Variants in DENND1A observed in about 807,000 individuals in gnomAD.
The protein encoded by DENND1A is DENN domain containing 1A.
Under a neutral mutation model 113.7 loss-of-function variants are expected in DENND1A, and 51 were observed. The observed-to-expected ratio is 0.45, with a 90% CI of 0.36 to 0.57. DENND1A has a LOEUF of 0.57. Ranked by LOEUF, DENND1A falls within the 20% of genes least tolerant of loss-of-function variation. The pLI is 0.00. For synonymous variants in DENND1A, 565 were observed against 570.8 expected, an observed-to-expected ratio of 0.99 and a Z score of 0.14; for missense variants, 1,258 against 1,395.9, an observed-to-expected ratio of 0.90 and a Z score of 1.57.
chr9:123,637,991 C>T (rs955280329), intron 9 of DENND1A, among the ~76,000 whole-genome samples: 6 of 151,418 alleles, frequency 4.0e-5, no homozygotes, highest in African/African-American at 1.5e-4. Flanking sequence ...AACCACCCAA[C>T]AAGGAGTGAA....
chr9:123,440,096 C>T (rs78861713), intron 19 of DENND1A: 26,755 of 339,748 alleles, frequency 0.079, 1,190 homozygotes, highest in Admixed American at 0.096. Flanking sequence ...CCTTGGAGTA[C>T]GGGAGGCAGC....
chr9:123,395,745 T>C (rs558162550), intron 21 of DENND1A, among the ~76,000 whole-genome samples: 1 of 152,236 alleles, frequency 6.6e-6, no homozygotes, highest in South Asian at 2.1e-4. Flanking sequence ...GGCAGCTTCA[T>C]ACGCACGTCC....
At chr9:123,917,928 G>A (rs1855467438) in intron 1 of DENND1A, among the ~76,000 whole-genome samples, 1 of 151,438 alleles carries the variant, frequency 6.6e-6, no homozygotes, top group Non-Finnish European at 1.5e-5. Context: ...GGCTAACACG[G>A]TGAAACCCCA....
intron 19 of DENND1A, among the ~76,000 whole-genome samples, chr9:123,431,533 C>T (rs1311709957): frequency 6.6e-6 from 1 of 152,196 alleles, no homozygotes; most frequent in Non-Finnish European, 1.5e-5. Flanking sequence ...TGGGCAAGAA[C>T]CCAAGCTTTA....
intron 12 of DENND1A, among the ~76,000 whole-genome samples, chr9:123,559,317 G>T (rs2057605954): frequency 6.6e-6 from 1 of 152,140 alleles, no homozygotes; most frequent in Non-Finnish European, 1.5e-5. Context: ...AAGCATGCAG[G>T]TAACATATCA....
At chr9:123,750,907 C>G (rs1300462349) in intron 5 of DENND1A, among the ~76,000 whole-genome samples, 1 of 152,202 alleles carries the variant, frequency 6.6e-6, no homozygotes, top group East Asian at 1.9e-4. Context: ...GAGATTCCAT[C>G]TGTTTCTGGA....
chr9:123,415,130 A>G lies in DENND1A; in HGVS notation c.1489-3301T>C, dbSNP rs535321812. ...CAGAGTGAGCCAGCGGGATATAAAGATGCCAAGAAAGAGTAACGTGGTACA... is the reference window on the plus strand; with the variant it reads ...CAGAGTGAGCCAGCGGGATATAAAGGTGCCAAGAAAGAGTAACGTGGTACA... On this transcript the variant is annotated intron_variant, in intron 19 of 23. Transcript: ENST00000394215. Among the ~76,000 whole-genome samples the G allele has an allele frequency of 4.6e-5, 7 of 152,322 alleles. 1 individual carries two copies. Among genetic ancestry groups the G allele is most frequent in the African/African-American group, 1.7e-4 (7 of 41,572 alleles).
chr9:123,895,871 G>A (rs968487885), intron 1 of DENND1A, among the ~76,000 whole-genome samples: 1 of 152,136 alleles, frequency 6.6e-6, no homozygotes, highest in African/African-American at 2.4e-5. Context: ...TGACCAAGGT[G>A]ATGAAGAAAG....
chr9:123,486,969 C>T (rs2050931238), intron 13 of DENND1A, among the ~76,000 whole-genome samples: 1 of 152,196 alleles, frequency 6.6e-6, no homozygotes, highest in South Asian at 2.1e-4. Context: ...TTTAGGGTAG[C>T]CCAGAAGTGA....
intron 3 of DENND1A, among the ~76,000 whole-genome samples, chr9:123,788,780 T>C (rs1832572194): frequency 1.3e-5 from 2 of 152,134 alleles, no homozygotes; most frequent in African/African-American, 2.4e-5. Context: ...GAAAAGAATC[T>C]AGTCCAAGCT....
rs1170659580 is a variant in DENND1A, at chr9:123,815,993, C to CTTTT, written c.89-23367_89-23364dup. 4.8e-4 allele frequency among the ~76,000 whole-genome samples: 38 copies of CTTTT among 79,790 alleles called. 1 individual carries two copies. Among genetic ancestry groups the CTTTT allele is most frequent in the East Asian group, 1.0e-3 (3 of 2,978 alleles). 52.3% of individuals were successfully genotyped at this position (79,790 alleles called of 152,430 possible). ...GCACTGGGCCCTCAAAGTGACTGTA[C>CTTTT]TTTTTTTTTTTTTTTTTTTTTTTTT... is the stretch of plus-strand genomic sequence containing the variant. On this transcript the variant is annotated intron_variant, in intron 2 of 23. Transcript: ENST00000394215.
At chr9:123,560,078 G>C (rs569020151) in intron 12 of DENND1A, among the ~76,000 whole-genome samples, 1 of 152,112 alleles carries the variant, frequency 6.6e-6, no homozygotes, top group African/African-American at 2.4e-5. Flanking sequence ...ACATTTTATC[G>C]ATCTGTTCAT....
rs371253977 is a variant in DENND1A at position 123,383,819 on chromosome 9, C to G, written c.1855G>C (p.Val619Leu). 33 of 1,613,894 alleles carry G rather than the reference C, an allele frequency of 2.0e-5. No homozygotes were observed. Among genetic ancestry groups the G allele is most frequent in the Non-Finnish European group, 2.7e-5 (32 of 1,180,052 alleles). ...EQQVRKSTGP[V>L]PAPPDRAASI... The stretch of plus-strand genomic sequence containing the variant: ...GCAGCCCGGTCAGGGGGAGCTGGGA[C>G]AGGGCCTGTGGACTTCCGCACTTGC... The change falls in exon 23 of 24, where the codon GTC (valine) becomes CTC (leucine). Residue 619 changes from valine (V) to leucine (L), a missense_variant. Coordinates refer to ENST00000394215, the MANE Select transcript of DENND1A (RefSeq NM_001352964.2).
At chr9:123,662,696 A>AAACCC in intron 8 of DENND1A, among the ~76,000 whole-genome samples, 1 of 152,234 alleles carries the variant, frequency 6.6e-6, no homozygotes, top group Non-Finnish European at 1.5e-5. Flanking sequence ...GGAAGATGTG[A>AAACCC]AACCCAAGAA....
Position 123,764,268 on chromosome 9 carries a change from T to C in DENND1A, c.182+5246A>G, listed in dbSNP as rs1287051977. Among the ~76,000 whole-genome samples the C allele has an allele frequency of 6.6e-6, 1 of 152,222 alleles. No homozygotes were observed. Among genetic ancestry groups the C allele is most frequent in the Non-Finnish European group, 1.5e-5 (1 of 68,036 alleles). On this transcript the variant is annotated intron_variant, in intron 4 of 23. Coordinates refer to ENST00000394215, the MANE Select transcript of DENND1A (RefSeq NM_001352964.2). The surrounding 1 kb of genome is among the most constrained non-coding windows in gnomAD (Gnocchi z 4.1). ...GATCATCACTACTGTTATGCAATTA[T>C]AAAATTCAAGAGATAGAACTGAAGC...
At chr9:123,517,218 A>G (rs1208022081) in intron 13 of DENND1A, among the ~76,000 whole-genome samples, 1 of 149,940 alleles carries the variant, frequency 6.7e-6, no homozygotes, top group East Asian at 1.9e-4. Flanking sequence ...GCACCACTGC[A>G]CTCCAGCCTG....
chr9:123,882,273 G>C (rs1848425256), intron 1 of DENND1A, among the ~76,000 whole-genome samples: 1 of 150,252 alleles, frequency 6.7e-6, no homozygotes, highest in Non-Finnish European at 1.5e-5. Flanking sequence ...AGGATTGTTT[G>C]AGGCCAGGAG....
At chr9:123,647,541 G>A (rs1449657124) in intron 9 of DENND1A, among the ~76,000 whole-genome samples, 2 of 152,196 alleles carry the variant, frequency 1.3e-5, no homozygotes, top group African/African-American at 2.4e-5. Flanking sequence ...CTCCCTGTGA[G>A]GAAACCATTA....
chr9:123,616,761 C>T (rs1008032633), intron 10 of DENND1A, among the ~76,000 whole-genome samples: 2 of 152,192 alleles, frequency 1.3e-5, no homozygotes, highest in African/African-American at 2.4e-5. Flanking sequence ...TTTCAAAAGG[C>T]TCCTGGGGAG....
Sources: allele counts gnomAD v4.1 joint callset (sites outside exome capture counted in the v4.1 genomes callset), GRCh38; gene constraint gnomAD v4.1.1; non-coding constraint Gnocchi (gnomAD v3.1); transcripts MANE v1.5; gene names NCBI Gene and HGNC (gene_info 2026-07-23, HGNC 2026-07-21).